MINPP1: variants seen among roughly 807,000 people sequenced by gnomAD.
MINPP1 encodes multiple inositol polyphosphate phosphatase 1.
A neutral mutation model predicts 46.1 loss-of-function variants in MINPP1; 28 were observed. The ratio of observed to expected loss-of-function variants is 0.61; its 90% CI spans 0.45 to 0.83. The LOEUF is 0.83. MINPP1 is among the 40% of genes least tolerant of loss of function. The pLI is 0.00. For missense variants in MINPP1, 603 were observed against 610.0 expected, an observed-to-expected ratio of 0.99 and a Z score of 0.12; for synonymous variants, 268 against 249.1, an observed-to-expected ratio of 1.08 and a Z score of -0.72.
chr10:87,527,075 C>G (rs934790465), intron 4 of MINPP1, among the ~76,000 whole-genome samples: 3 of 152,104 alleles, frequency 2.0e-5, no homozygotes, highest in Non-Finnish European at 4.4e-5. Context: ...TTTTCCAATT[C>G]TGTGAAAAAA....
chr10:87,546,991 CTT>C (rs1251096683), intron 4 of MINPP1, among the ~76,000 whole-genome samples: 2 of 152,140 alleles, frequency 1.3e-5, no homozygotes, highest in African/African-American at 2.4e-5. Context: ...TTTACATGTG[CTT>C]TTGCCAAATT....
chr10:87,514,077 A>C (rs1023812507), intron 3 of MINPP1, among the ~76,000 whole-genome samples: 1 of 152,130 alleles, frequency 6.6e-6, no homozygotes, highest in Non-Finnish European at 1.5e-5. Context: ...TCCAGGATTT[A>C]TCTCTCCATC....
chr10:87,547,582 T>G (rs1002488309), intron 4 of MINPP1, among the ~76,000 whole-genome samples: 1 of 152,266 alleles, frequency 6.6e-6, no homozygotes, highest in Non-Finnish European at 1.5e-5. Flanking sequence ...CCTGTGGTTT[T>G]GCTTTTGCAT....
intron 4 of MINPP1, among the ~76,000 whole-genome samples, chr10:87,531,721 G>A (rs1171936915): frequency 3.3e-5 from 5 of 152,120 alleles, no homozygotes; most frequent in Non-Finnish European, 7.4e-5. Flanking sequence ...TCCTGTGATG[G>A]GTTGTAGTTG....
intron 4 of MINPP1, among the ~76,000 whole-genome samples, chr10:87,550,239 T>C (rs950072257): frequency 2.6e-5 from 4 of 152,192 alleles, no homozygotes; most frequent in East Asian, 1.9e-4. Flanking sequence ...AAAATACTTA[T>C]GCTGGTCAAA....
At position 87,553,198 on chromosome 10, in the gene MINPP1, C is replaced by A. The variant is rs768457625; in HGVS notation, c.*720C>A. The A allele has an allele frequency of 6.6e-6, 1 of 152,056 alleles. No homozygotes were observed. The highest frequency in any genetic ancestry group is 2.1e-4 in the South Asian group (1 of 4,826). The allele number at this position is 152,056 out of a possible 1,614,324, so 9.4% of individuals were successfully genotyped here. On this transcript the variant is annotated 3_prime_UTR_variant, in exon 5 of 5. Coordinates refer to ENST00000371996, the MANE Select transcript of MINPP1 (RefSeq NM_004897.5). ...TAGCAACAAGTCAGATAGTTAGAAT[C>A]GAAGTTTTTCAAATCCATTGCTTAG...
rs895381192 is a variant in MINPP1, at chr10:87,505,685, C to T, written c.637+133C>T. On this transcript the variant is annotated intron_variant, in intron 1 of 4. Coordinates refer to ENST00000371996, the MANE Select transcript of MINPP1 (RefSeq NM_004897.5). The surrounding 1 kb of genome is among the most constrained non-coding windows in gnomAD (Gnocchi z 4.4). ...CCTCTTTTCCCAAGCCATCATCCCT[C>T]GGGCTACGTCCTCCCTGTCGAGGGA... 39 of 801,724 alleles carry T rather than the reference C, an allele frequency of 4.9e-5. No individual in the cohort carries two copies. The highest frequency in any genetic ancestry group is 7.4e-5 in the Non-Finnish European group (38 of 511,862). The allele number at this position is 801,724 out of a possible 1,614,324, so 49.7% of individuals were successfully genotyped here.
intron 4 of MINPP1, among the ~76,000 whole-genome samples, chr10:87,536,420 G>C (rs1262776346): frequency 1.3e-5 from 2 of 151,892 alleles, no homozygotes; most frequent in East Asian, 1.9e-4. Context: ...ACTCGATTGA[G>C]GTATAATTCA....
rs577821877 is a variant in MINPP1 at position 87,504,939 on chromosome 10, C to T, written c.24C>T (p.Leu8=). The T allele has an allele frequency of 5.0e-6, 8 of 1,611,392 alleles. No individual in the cohort carries two copies. The highest frequency in any genetic ancestry group is 6.8e-6 in the Non-Finnish European group (8 of 1,179,352). The change falls in exon 1 of 5, where the codon CTC becomes CTT. Residue 8 remains leucine (L), a synonymous_variant. Transcript: ENST00000371996. MLRAPGC[L]LRTSVAPAAA... Reference sequence around the variant, plus strand: ...CGATGCTACGCGCGCCCGGCTGCCTCCTCCGGACCTCCGTAGCGCCTGCCG... The same window carrying T: ...CGATGCTACGCGCGCCCGGCTGCCTTCTCCGGACCTCCGTAGCGCCTGCCG...
chr10:87,531,393 C>T (rs1001451908), intron 4 of MINPP1, among the ~76,000 whole-genome samples: 1 of 152,204 alleles, frequency 6.6e-6, no homozygotes, highest in Non-Finnish European at 1.5e-5. Flanking sequence ...GGGAAAAATG[C>T]AACTAATTGA....
intron 3 of MINPP1, among the ~76,000 whole-genome samples, chr10:87,518,053 G>A (rs868851315): frequency 7.0e-6 from 1 of 143,158 alleles, no homozygotes; most frequent in Non-Finnish European, 1.5e-5. Flanking sequence ...TCCACCTCCC[G>A]GGTTCAAGCC....
chr10:87,505,112 C>T lies in MINPP1; in HGVS notation c.197C>T (p.Ala66Val). 6.2e-7 allele frequency: 1 copy of T among 1,613,272 alleles called. No individual in the cohort carries two copies. The highest frequency in any genetic ancestry group is 8.5e-7 in the Non-Finnish European group (1 of 1,179,808). ...CCCGTGCTATTGTCGGGCCCCGAGGCTCCGTGGCGGGACCCTGAGCTGCTG... is the reference window on the plus strand; with the variant it reads ...CCCGTGCTATTGTCGGGCCCCGAGGTTCCGTGGCGGGACCCTGAGCTGCTG... ...VNPVLLSGPE[A>V]PWRDPELLEG... is the part of the protein sequence containing the mutation. Residue 66 changes from alanine (A) to valine (V), a missense_variant, in exon 1 of 5, where the codon GCT becomes GTT. Around this residue, in one of 3 missense-constraint regions of MINPP1, gnomAD observed 239 missense variants for 189.4 expected, o/e 1.26. Transcript: ENST00000371996. The surrounding 1 kb of genome is among the most constrained non-coding windows in gnomAD (Gnocchi z 4.4).
intron 4 of MINPP1, among the ~76,000 whole-genome samples, chr10:87,540,810 A>G (rs974973400): frequency 6.6e-6 from 1 of 152,228 alleles, no homozygotes; most frequent in Non-Finnish European, 1.5e-5. Flanking sequence ...ACACAGGGCA[A>G]AGAGCAGCAT....
chr10:87,512,231 A>G (rs1165749120), intron 2 of MINPP1, among the ~76,000 whole-genome samples: 2 of 152,188 alleles, frequency 1.3e-5, no homozygotes, highest in African/African-American at 2.4e-5. Context: ...CTTCTCTTCA[A>G]TACCCATATG....
Position 87,508,353 on chromosome 10 carries a change from C to T in MINPP1, c.655C>T (p.Pro219Ser). The change falls in exon 2 of 5, where the codon CCA becomes TCA. Residue 219 changes from proline to serine, a missense_variant. Physicochemically the swap from Pro to Ser is moderately conservative, Grantham distance 74. Coordinates refer to ENST00000371996, the MANE Select transcript of MINPP1 (RefSeq NM_004897.5). ...TCTTTCAGATATGGAGTTTGGACCTCCAACAGTTAATGATAAACTAATGAG... is the reference window on the plus strand; with the variant it reads ...TCTTTCAGATATGGAGTTTGGACCTTCAACAGTTAATGATAAACTAATGAG... The part of the protein sequence containing the change: ...PDVADMEFGP[P>S]TVNDKLMRFF... 1 of 1,612,986 alleles carries T rather than the reference C, an allele frequency of 6.2e-7. No homozygotes were observed.
intron 4 of MINPP1, among the ~76,000 whole-genome samples, chr10:87,545,963 A>C (rs1851880852): frequency 6.6e-6 from 1 of 152,172 alleles, no homozygotes; most frequent in Non-Finnish European, 1.5e-5. Flanking sequence ...TCGTGGGGCA[A>C]AATTGGGATT....
intron 4 of MINPP1, among the ~76,000 whole-genome samples, chr10:87,538,038 G>A (rs934440671): frequency 2.0e-5 from 3 of 150,906 alleles, no homozygotes; most frequent in Non-Finnish European, 4.4e-5. Context: ...GTGGGCTCAA[G>A]CAGTCCTTCC....
intron 4 of MINPP1, among the ~76,000 whole-genome samples, chr10:87,523,462 T>C (rs1244641734): frequency 1.3e-5 from 2 of 151,546 alleles, no homozygotes; most frequent in Non-Finnish European, 2.9e-5. Context: ...GCCATTCTCC[T>C]GCCTCAGCCT....
chr10:87,527,535 G>GT (rs1373556573), intron 4 of MINPP1, among the ~76,000 whole-genome samples: 2 of 152,124 alleles, frequency 1.3e-5, no homozygotes, highest in East Asian at 1.9e-4. Context: ...TAATCATGTG[G>GT]TTTTTTCCTT....
Sources: allele counts gnomAD v4.1 joint callset (sites outside exome capture counted in the v4.1 genomes callset), GRCh38; gene constraint gnomAD v4.1.1; regional missense constraint gnomAD v4.1.1; non-coding constraint Gnocchi (gnomAD v3.1); transcripts MANE v1.5; gene names NCBI Gene and HGNC (gene_info 2026-07-23, HGNC 2026-07-21).